The following TENM2 variants were observed in gnomAD, a reference collection of about 807,000 sequenced individuals.
The protein encoded by TENM2 is teneurin-2.
Under a neutral mutation model 245.2 loss-of-function variants are expected in TENM2, and 52 were observed. The ratio of observed to expected loss-of-function variants is 0.21; its 90% CI spans 0.17 to 0.27. The LOEUF (loss-of-function observed/expected upper bound fraction) is 0.27, where lower values mean the gene tolerates loss of function less well. Ranked by LOEUF, TENM2 falls within the 10% of genes least tolerant of loss-of-function variation. The pLI is 1.00. For synonymous variants in TENM2, 1,363 were observed against 1,438.9 expected (o/e 0.95, Z 1.19); for missense variants, 3,046 against 3,666.8 (o/e 0.83, Z 4.37).
intron 2 of TENM2, among the ~76,000 whole-genome samples, chr5:167,381,572 C>T (rs1367403722): frequency 6.6e-6 from 1 of 152,106 alleles, no homozygotes; most frequent in Non-Finnish European, 1.5e-5. Context: ...TAAGAAGATT[C>T]AGTCACACTG....
intron 2 of TENM2, among the ~76,000 whole-genome samples, chr5:167,713,310 T>G (rs1436297593): frequency 6.6e-6 from 1 of 151,530 alleles, no homozygotes; most frequent in Admixed American, 6.6e-5. Context: ...AAGCTCCTTT[T>G]TTAATTCCCA....
chr5:168,034,147 A>G (rs1352833670), intron 5 of TENM2, among the ~76,000 whole-genome samples: 1 of 105,058 alleles, frequency 9.5e-6, no homozygotes, highest in Non-Finnish European at 2.1e-5. Flanking sequence ...ATACATATAT[A>G]TGTGTATATA....
chr5:166,990,898 T>G, the TENM2 span, among the ~76,000 whole-genome samples: 11 of 152,146 alleles, frequency 7.2e-5, no homozygotes, highest in African/African-American at 2.7e-4. Flanking sequence ...TTAGTTGGCA[T>G]GAGGTGTAAA....
At chr5:168,125,134 CTT>C (rs1217511857) in intron 11 of TENM2, 84 bp downstream of exon 13, 1 of 1,181,508 alleles carries the variant, frequency 8.5e-7, no homozygotes, top group East Asian at 2.6e-5. Flanking sequence ...GGAATCTACT[CTT>C]AATACTTAGC....
At chr5:167,390,227 T>A (rs1013876262) in intron 2 of TENM2, among the ~76,000 whole-genome samples, 11 of 152,224 alleles carry the variant, frequency 7.2e-5, no homozygotes, top group Non-Finnish European at 1.5e-4. Flanking sequence ...TTAAAATTGT[T>A]GCACTGACCA....
intron 2 of TENM2, among the ~76,000 whole-genome samples, chr5:167,453,960 T>A (rs1349469166): frequency 6.6e-6 from 1 of 152,232 alleles, no homozygotes; most frequent in Non-Finnish European, 1.5e-5. Context: ...CTTCACTACT[T>A]AGGGACATGG....
intron 5 of TENM2, among the ~76,000 whole-genome samples, chr5:168,024,698 G>C (rs1218147199): frequency 1.3e-5 from 2 of 152,162 alleles, no homozygotes; most frequent in Admixed American, 6.5e-5. Flanking sequence ...CAGTAAGTGT[G>C]ATCATGCATA....
intron 2 of TENM2, among the ~76,000 whole-genome samples, chr5:167,859,569 C>A (rs1771503642): frequency 1.8e-5 from 2 of 111,252 alleles, no homozygotes; most frequent in Non-Finnish European, 3.8e-5. Flanking sequence ...GGGGGTCAGC[C>A]CCCCGCCTGG....
At chr5:167,046,411 C>T in the TENM2 span, among the ~76,000 whole-genome samples, 1 of 152,122 alleles carries the variant, frequency 6.6e-6, no homozygotes, top group Non-Finnish European at 1.5e-5. Flanking sequence ...ATATTTAAAA[C>T]TTAAAGGTAC....
intron 2 of TENM2, among the ~76,000 whole-genome samples, chr5:167,411,118 C>T (rs1057246119): frequency 6.6e-6 from 1 of 152,010 alleles, no homozygotes; most frequent in Non-Finnish European, 1.5e-5. Context: ...CATTCTAAAT[C>T]GGAATCCACC....
intron 2 of TENM2, among the ~76,000 whole-genome samples, chr5:167,597,852 C>A (rs1776329739): frequency 6.6e-6 from 1 of 152,202 alleles, no homozygotes; most frequent in Non-Finnish European, 1.5e-5. Context: ...CACACATGTG[C>A]ATGCATGTGC....
chr5:167,084,083 G>T, the TENM2 span, among the ~76,000 whole-genome samples: 1 of 151,296 alleles, frequency 6.6e-6, no homozygotes, highest in Non-Finnish European at 1.5e-5. Flanking sequence ...TGCTGTTGGT[G>T]TGTTTCCTAA....
the TENM2 span, among the ~76,000 whole-genome samples, chr5:166,996,852 G>T: frequency 6.6e-6 from 1 of 152,196 alleles, no homozygotes; most frequent in African/African-American, 2.4e-5. Context: ...TCTTAGATTT[G>T]AATTTAACTT....
At chr5:167,069,517 T>C in the TENM2 span, among the ~76,000 whole-genome samples, 4 of 152,198 alleles carry the variant, frequency 2.6e-5, no homozygotes, top group South Asian at 2.1e-4. Flanking sequence ...AATAATTTGA[T>C]TGAATCAAAA....
chr5:167,771,371 G>C (rs1054607871), intron 2 of TENM2, among the ~76,000 whole-genome samples: 9 of 152,058 alleles, frequency 5.9e-5, no homozygotes, highest in African/African-American at 2.2e-4. Flanking sequence ...TTTTTTTCTA[G>C]TCATTTTATC....
intron 1 of TENM2, among the ~76,000 whole-genome samples, chr5:167,348,412 G>T (rs1284213906): frequency 6.6e-6 from 1 of 152,130 alleles, no homozygotes; most frequent in East Asian, 1.9e-4. Flanking sequence ...TTTCAGCTGT[G>T]GGCCATTGAC....
At position 167,599,299 on chromosome 5, in the gene TENM2, G is replaced by A. The variant is rs375174483; in HGVS notation, c.502+223826G>A. On this transcript the variant is annotated intron_variant, in intron 2 of 28. Coordinates refer to ENST00000518659, the Ensembl canonical transcript of TENM2. ...AGGGTAGAACAATCCTCTTAAATTA[G>A]GAACTTCACAAACAAATGCAGATTC... is the stretch of plus-strand genomic sequence containing the variant. Among the ~76,000 whole-genome samples, 189 of 152,212 alleles carry A rather than the reference G, an allele frequency of 1.2e-3. 7 individuals carry two copies. In the South Asian group the frequency reaches 0.038, roughly 30 times the overall value.
At chr5:168,178,655 G>T (rs1453632948) in intron 13 of TENM2, among the ~76,000 whole-genome samples, 1 of 152,146 alleles carries the variant, frequency 6.6e-6, no homozygotes, top group African/African-American at 2.4e-5. Context: ...GAAGGAAGGG[G>T]AAAGAGACAG....
intron 5 of TENM2, among the ~76,000 whole-genome samples, chr5:168,033,943 C>T (rs1367115568): frequency 3.3e-5 from 5 of 150,264 alleles, no homozygotes; most frequent in African/African-American, 7.4e-5. Context: ...AGGAGAATGG[C>T]GTGAACCTGG....
Sources: gnomAD v4.1 joint callset for allele counts (sites outside exome capture counted in the v4.1 genomes callset) on GRCh38, gnomAD v4.1.1 for gene constraint, MANE v1.5 for transcripts, NCBI Gene and HGNC (gene_info 2026-07-23, HGNC 2026-07-21) for gene names.